The following SHB variants were observed in gnomAD, a reference collection of about 807,000 sequenced individuals.
SHB encodes SH2 domain containing adaptor protein B, also known as SH2 domain-containing adapter protein B.
Under a neutral mutation model 52.3 loss-of-function variants are expected in SHB, and 20 were observed. The observed-to-expected ratio is 0.38, with a 90% CI of 0.27 to 0.56. The LOEUF (loss-of-function observed/expected upper bound fraction) is 0.56, where lower values mean the gene tolerates loss of function less well. Among genes scored for constraint, SHB ranks in the 20% least tolerant of loss-of-function variants. The pLI, the probability that SHB is intolerant of heterozygous loss-of-function variation, is 0.71. For synonymous variants in SHB, 397 were observed against 316.5 expected (o/e 1.25, Z -2.70); for missense variants, 825 against 723.3 (o/e 1.14, Z -1.61).
intron 2 of SHB, among the ~76,000 whole-genome samples, chr9:37,993,269 C>T (rs1025417861): frequency 1.3e-5 from 2 of 151,836 alleles, no homozygotes; most frequent in African/African-American, 2.4e-5. Flanking sequence ...AATGTGTGTG[C>T]GCGTGTGTGT....
intron 1 of SHB, among the ~76,000 whole-genome samples, chr9:38,023,323 G>A (rs1211113014): frequency 2.0e-5 from 3 of 152,228 alleles, no homozygotes; most frequent in African/African-American, 7.2e-5. Context: ...GTGGAGCAGG[G>A]TGGTTTGCCT....
rs375413067 is a variant in SHB, at chr9:37,918,310, G to C, written c.*1511C>G. Among the ~76,000 whole-genome samples, 1 of 152,212 alleles carries C rather than the reference G, an allele frequency of 6.6e-6. No homozygotes were observed. The highest frequency in any genetic ancestry group is 2.4e-5 in the African/African-American group (1 of 41,458). ...CTGAGAAACTCTTAGCCTCATCGGG[G>C]CTGCCTGGCCTGTGTGGGAGGACCC... On this transcript the variant is annotated 3_prime_UTR_variant, in exon 6 of 6. Transcript: ENST00000377707.
chr9:38,063,597 C>G (rs1174978113), intron 1 of SHB, among the ~76,000 whole-genome samples: 1 of 152,248 alleles, frequency 6.6e-6, no homozygotes, highest in Non-Finnish European at 1.5e-5. Flanking sequence ...TCAGGCCCTC[C>G]CAACCCTGTG....
intron 2 of SHB, among the ~76,000 whole-genome samples, chr9:37,975,194 A>AAG (rs1820639928): frequency 6.6e-6 from 1 of 152,156 alleles, no homozygotes; most frequent in African/African-American, 2.4e-5. Context: ...CTTCATAAAC[A>AAG]GGCTGGGGTC....
At chr9:38,029,494 T>A (rs896436257) in intron 1 of SHB, among the ~76,000 whole-genome samples, 9 of 152,100 alleles carry the variant, frequency 5.9e-5, no homozygotes, top group Admixed American at 1.3e-4. Flanking sequence ...TTTTTTTTTT[T>A]AATTTGTTTA....
At chr9:37,978,568 G>A (rs1414055662) in intron 2 of SHB, among the ~76,000 whole-genome samples, 2 of 152,242 alleles carry the variant, frequency 1.3e-5, no homozygotes, top group African/African-American at 4.8e-5. Context: ...TTGTTTATGT[G>A]TGGGGGGCAA....
chr9:38,004,949 G>C (rs1363893577), intron 2 of SHB, among the ~76,000 whole-genome samples: 1 of 152,228 alleles, frequency 6.6e-6, no homozygotes. Context: ...TACTCACCAT[G>C]TGCACACATC....
intron 1 of SHB, among the ~76,000 whole-genome samples, chr9:38,039,397 G>T (rs1166624766): frequency 6.6e-6 from 1 of 152,262 alleles, no homozygotes; most frequent in African/African-American, 2.4e-5. Context: ...TTAGTCATTA[G>T]CCTGTATGTG....
Position 37,919,788 on chromosome 9 carries a change from GCT to G in SHB, c.*31_*32del, listed in dbSNP as rs1587189123. The G allele has an allele frequency of 6.3e-7, 1 of 1,588,438 alleles. No individual in the cohort carries two copies. The highest frequency in any genetic ancestry group is 1.1e-5 in the South Asian group (1 of 89,918). Reference sequence around the variant, plus strand: ...GGCCTCTGGCACCTCCAAGTCTCAGGCTCTGTCACAGAGCAGGGCAGGTCTGG... The same window carrying G: ...GGCCTCTGGCACCTCCAAGTCTCAGGCTGTCACAGAGCAGGGCAGGTCTGG... On this transcript the variant is annotated 3_prime_UTR_variant, in exon 6 of 6. Coordinates refer to ENST00000377707, the MANE Select transcript of SHB (RefSeq NM_003028.3).
intron 2 of SHB, among the ~76,000 whole-genome samples, chr9:37,981,250 C>T (rs531469428): frequency 6.6e-6 from 1 of 152,344 alleles, no homozygotes; most frequent in South Asian, 2.1e-4. Context: ...TCATCGATGA[C>T]CTCAGCTAGA....
intron 1 of SHB, among the ~76,000 whole-genome samples, chr9:38,057,786 T>C (rs532210082): frequency 6.6e-6 from 1 of 152,358 alleles, no homozygotes; most frequent in Non-Finnish European, 1.5e-5. Context: ...TTCCTCCTAG[T>C]TCTGTTTGCA....
chr9:37,944,017 C>A (rs1347386393), intron 5 of SHB, among the ~76,000 whole-genome samples: 1 of 152,210 alleles, frequency 6.6e-6, no homozygotes, highest in African/African-American at 2.4e-5. Flanking sequence ...TTTCTCAGCT[C>A]AACCCTTTGC....
At chr9:38,067,651 A>G (rs78273737) in intron 1 of SHB, among the ~76,000 whole-genome samples, 5,073 of 152,066 alleles carry the variant, frequency 0.033, 155 homozygotes, top group African/African-American at 0.086. Context: ...AGCCAGAAGG[A>G]CTGACTGGGT....
At chr9:38,052,727 A>G (rs996800443) in intron 1 of SHB, among the ~76,000 whole-genome samples, 1 of 150,738 alleles carries the variant, frequency 6.6e-6, no homozygotes, top group Non-Finnish European at 1.5e-5. Context: ...CCTTTCACTC[A>G]CTCCCTCCAC....
intron 1 of SHB, among the ~76,000 whole-genome samples, chr9:38,064,656 T>C (rs1031573266): frequency 6.6e-6 from 1 of 152,216 alleles, no homozygotes; most frequent in Non-Finnish European, 1.5e-5. Context: ...GAAATTCCTG[T>C]CAATCTCCTC....
chr9:38,032,658 C>CT (rs1821429708), intron 1 of SHB, among the ~76,000 whole-genome samples: 1 of 152,248 alleles, frequency 6.6e-6, no homozygotes, highest in Non-Finnish European at 1.5e-5. Context: ...CCTTTGAAGC[C>CT]TGGCTTCCAG....
At chr9:37,995,918 C>G (rs1820941460) in intron 2 of SHB, among the ~76,000 whole-genome samples, 1 of 152,180 alleles carries the variant, frequency 6.6e-6, no homozygotes, top group Non-Finnish European at 1.5e-5. Flanking sequence ...CTTTGAACAT[C>G]CAATTGGCTT....
At chr9:37,955,791 T>C (rs1186119967) in intron 4 of SHB, 92 bp downstream of exon 4, 2 of 1,277,568 alleles carry the variant, frequency 1.6e-6, no homozygotes, top group African/African-American at 2.9e-5. Context: ...CCCGGCCCAG[T>C]CTGTGGATTT....
At chr9:38,034,235 C>T (rs145233150) in intron 1 of SHB, among the ~76,000 whole-genome samples, 17 of 152,314 alleles carry the variant, frequency 1.1e-4, no homozygotes, top group African/African-American at 3.8e-4. Flanking sequence ...TAATAACTTG[C>T]CACCTGTATG....
Sources: allele counts gnomAD v4.1 joint callset (sites outside exome capture counted in the v4.1 genomes callset), GRCh38; gene constraint gnomAD v4.1.1; transcripts MANE v1.5; gene names NCBI Gene and HGNC (gene_info 2026-07-23, HGNC 2026-07-21).